The following IL1RAPL1 variants were observed in gnomAD, a reference collection of about 807,000 sequenced individuals.
The protein encoded by IL1RAPL1 is interleukin 1 receptor accessory protein like 1.
Under a neutral mutation model 48.4 loss-of-function variants are expected in IL1RAPL1, and 3 were observed. That is an observed-to-expected ratio of 0.06 (90% CI 0.03 to 0.16). The LOEUF (loss-of-function observed/expected upper bound fraction) is 0.16. IL1RAPL1 is among the 10% of genes least tolerant of loss of function. The probability of loss-of-function intolerance (pLI) is 1.00; values close to 1 mark genes in which losing one functional copy is unlikely to be tolerated. For synonymous variants in IL1RAPL1, 185 were observed against 187.7 expected (o/e 0.99, Z 0.12); for missense variants, 349 against 530.6 (o/e 0.66, Z 3.36).
chrX:28,854,385 C>T (rs1168957173), intron 2 of IL1RAPL1, among the ~76,000 whole-genome samples: 1 of 110,647 alleles, frequency 9.0e-6, no homozygotes, highest in South Asian at 3.8e-4. Context: ...TAAGATACCC[C>T]TAGGTTTTTT....
chrX:29,015,144 CTTTG>C (rs1470531199), intron 2 of IL1RAPL1, among the ~76,000 whole-genome samples: 1 of 110,987 alleles, frequency 9.0e-6, no homozygotes, highest in Admixed American at 9.7e-5. Flanking sequence ...AAAGGAAATG[CTTTG>C]TTTGATTCTA....
intron 2 of IL1RAPL1, among the ~76,000 whole-genome samples, chrX:28,802,998 A>G (rs1936692276): frequency 9.0e-6 from 1 of 111,341 alleles, no homozygotes; most frequent in Non-Finnish European, 1.9e-5. Context: ...GAGTATATAT[A>G]TATTTCTCCT....
chrX:28,636,951 G>A (rs1343177449), intron 1 of IL1RAPL1, among the ~76,000 whole-genome samples: 1 of 111,134 alleles, frequency 9.0e-6, no homozygotes, highest in Non-Finnish European at 1.9e-5. Flanking sequence ...GTTGGTTAGA[G>A]ACTAACAATG....
chrX:29,648,240 T>C (rs1202281520), intron 5 of IL1RAPL1, among the ~76,000 whole-genome samples: 1 of 111,834 alleles, frequency 8.9e-6, no homozygotes, highest in African/African-American at 3.2e-5. Flanking sequence ...GGAAAGATTA[T>C]CCAAACAGAA....
chrX:29,300,365 A>C (rs1402851108), intron 3 of IL1RAPL1, among the ~76,000 whole-genome samples: 2 of 112,007 alleles, frequency 1.8e-5, no homozygotes, highest in Non-Finnish European at 3.8e-5. Context: ...AATGGAAAAA[A>C]GGTATATATC....
At chrX:29,070,504 G>T (rs1927543987) in intron 2 of IL1RAPL1, among the ~76,000 whole-genome samples, 1 of 111,359 alleles carries the variant, frequency 9.0e-6, no homozygotes, top group Admixed American at 9.6e-5. Context: ...GTCTTTCATG[G>T]CCTTGAGGTT....
At chrX:29,488,161 G>A (rs1469755145) in intron 5 of IL1RAPL1, among the ~76,000 whole-genome samples, 8 of 112,251 alleles carry the variant, frequency 7.1e-5, no homozygotes, top group Admixed American at 4.7e-4. Context: ...AGAAGCTGGC[G>A]GAGCATGGTG....
At chrX:29,217,756 T>TTC (rs752532448) in intron 2 of IL1RAPL1, among the ~76,000 whole-genome samples, 13 of 88,141 alleles carry the variant, frequency 1.5e-4, no homozygotes, top group African/African-American at 4.2e-4. Flanking sequence ...TATACATTTT[T>TTC]TCTCTCTCTC....
chrX:29,849,860 G>C (rs1161866004), intron 6 of IL1RAPL1, among the ~76,000 whole-genome samples: 2 of 111,898 alleles, frequency 1.8e-5, no homozygotes, highest in Non-Finnish European at 3.8e-5. Context: ...AATAAAAAGA[G>C]AAGTCATTGG....
intron 2 of IL1RAPL1, among the ~76,000 whole-genome samples, chrX:29,076,784 C>T (rs1482780631): frequency 1.7e-5 from 1 of 57,897 alleles, no homozygotes; most frequent in Admixed American, 2.0e-4. Context: ...ATCTATCTGT[C>T]TGTCTGTCTG....
intron 1 of IL1RAPL1, among the ~76,000 whole-genome samples, chrX:28,768,786 C>A (rs1450033168): frequency 2.2e-4 from 14 of 64,636 alleles, no homozygotes; most frequent in Non-Finnish European, 3.2e-4. Context: ...TATACACACA[C>A]TATATATATA....
chrX:29,565,378 T>C (rs1357711764), intron 5 of IL1RAPL1, among the ~76,000 whole-genome samples: 1 of 107,603 alleles, frequency 9.3e-6, no homozygotes, highest in African/African-American at 3.4e-5. Context: ...AGAACACAAC[T>C]AGTGAGTGTG....
intron 3 of IL1RAPL1, among the ~76,000 whole-genome samples, chrX:29,342,596 C>T (rs751390822): frequency 8.9e-6 from 1 of 111,959 alleles, no homozygotes; most frequent in Non-Finnish European, 1.9e-5. Flanking sequence ...CAGCTTTGCC[C>T]TCACTGTCCT....
Position 28,777,290 on chromosome X carries a change from G to A in IL1RAPL1, c.-24-12030G>A, listed in dbSNP as rs144392831. ...CTGCTACTCTCTTATAAGGACCCTT[G>A]TGATTACAATGAGCCCACCTTGTAA... On this transcript the variant is annotated intron_variant, in intron 1 of 10. Coordinates refer to ENST00000378993, the MANE Select transcript of IL1RAPL1 (RefSeq NM_014271.4). 1.9e-4 allele frequency among the ~76,000 whole-genome samples: 21 copies of A among 110,941 alleles called. No homozygotes were observed. In the East Asian group the frequency reaches 5.5e-3, roughly 29 times the overall value.
chrX:29,393,353 C>G (rs975060920), intron 3 of IL1RAPL1, among the ~76,000 whole-genome samples: 2 of 111,999 alleles, frequency 1.8e-5, no homozygotes, highest in Non-Finnish European at 3.8e-5. Flanking sequence ...GATCTCCTGA[C>G]CTCGTGATCC....
chrX:29,427,001 A>ATT (rs1569308936), intron 5 of IL1RAPL1, among the ~76,000 whole-genome samples: 2,442 of 28,846 alleles, frequency 0.085, 72 homozygotes, highest in African/African-American at 0.43. Context: ...ACCTTTTTAA[A>ATT]AAAAAAAAAA....
At chrX:29,765,333 T>G (rs1928857756) in intron 6 of IL1RAPL1, among the ~76,000 whole-genome samples, 1 of 108,795 alleles carries the variant, frequency 9.2e-6, no homozygotes, top group Non-Finnish European at 1.9e-5. Context: ...TTCTCCCAGC[T>G]GCCAGGCCGC....
intron 2 of IL1RAPL1, among the ~76,000 whole-genome samples, chrX:29,201,700 T>A (rs1377398067): frequency 9.0e-6 from 1 of 111,116 alleles, no homozygotes; most frequent in Non-Finnish European, 1.9e-5. Flanking sequence ...TTGATTTTTT[T>A]TTTTTTTTGA....
chrX:28,704,442 ACACACACACACACGCATG>A (rs1389389184), intron 1 of IL1RAPL1, among the ~76,000 whole-genome samples: 3 of 107,295 alleles, frequency 2.8e-5, no homozygotes, highest in African/African-American at 6.8e-5. Context: ...ACACACACAC[ACACACACACACACGCATG>A]CACACACACC....
Sources: gnomAD v4.1 joint callset for allele counts (sites outside exome capture counted in the v4.1 genomes callset) on GRCh38, gnomAD v4.1.1 for gene constraint, MANE v1.5 for transcripts, NCBI Gene and HGNC (gene_info 2026-07-23, HGNC 2026-07-21) for gene names.